Variants in CTNND2 observed in about 807,000 individuals in gnomAD.
CTNND2 encodes the protein catenin delta-2.
A neutral mutation model predicts 144.4 loss-of-function variants in CTNND2; 22 were observed. That is an observed-to-expected ratio of 0.15 (90% CI 0.11 to 0.22). The LOEUF is 0.22. CTNND2 is among the 10% of genes least tolerant of loss of function. CTNND2 has a pLI of 1.00. For missense variants in CTNND2, 1,353 were observed against 1,618.8 expected (o/e 0.84, Z 2.82); for synonymous variants, 751 against 695.6 (o/e 1.08, Z -1.25).
At chr5:11,518,801 T>C (rs145230748) in intron 3 of CTNND2, among the ~76,000 whole-genome samples, 2,782 of 152,260 alleles carry the variant, frequency 0.018, 49 homozygotes, top group Non-Finnish European at 0.03. Context: ...TGGTGTGTAG[T>C]TGGCTAGACC....
intron 16 of CTNND2, among the ~76,000 whole-genome samples, chr5:11,045,883 C>A (rs1040908334): frequency 1.3e-5 from 2 of 152,168 alleles, no homozygotes; most frequent in Admixed American, 1.3e-4. Context: ...ATGTTCCCTT[C>A]CCTTCTCTGT....
chr5:11,566,836 G>A (rs746953354), intron 2 of CTNND2, among the ~76,000 whole-genome samples: 1 of 152,162 alleles, frequency 6.6e-6, no homozygotes. Context: ...TGACTTTCTC[G>A]TTTGCAAGCT....
intron 2 of CTNND2, among the ~76,000 whole-genome samples, chr5:11,576,814 A>C (rs1296057901): frequency 1.3e-5 from 2 of 152,176 alleles, no homozygotes; most frequent in African/African-American, 4.8e-5. Context: ...AGAGTGCAGT[A>C]GCTCTTTGAG....
chr5:11,372,515 T>C (rs985611405), intron 7 of CTNND2, among the ~76,000 whole-genome samples: 1 of 152,146 alleles, frequency 6.6e-6, no homozygotes, highest in Non-Finnish European at 1.5e-5. Context: ...CCACCCCTCA[T>C]GCACGGCTTC....
At chr5:11,696,770 A>T (rs1456988647) in intron 2 of CTNND2, among the ~76,000 whole-genome samples, 2 of 152,188 alleles carry the variant, frequency 1.3e-5, no homozygotes, top group Non-Finnish European at 2.9e-5. Context: ...GTCATATATC[A>T]ACAGGTATGA....
At chr5:11,091,874 C>T (rs574070278) in intron 15 of CTNND2, among the ~76,000 whole-genome samples, 34 of 152,328 alleles carry the variant, frequency 2.2e-4, no homozygotes, top group Admixed American at 2.1e-3. Context: ...GCCTCAGACA[C>T]ATGTGCTGAG....
rs773455686 is a variant in CTNND2, at chr5:10,988,222, G to A, written c.3232C>T (p.Arg1078Trp). 1.1e-5 allele frequency: 17 copies of A among 1,614,058 alleles called. No individual in the cohort carries two copies. The highest frequency in any genetic ancestry group is 9.3e-6 in the Non-Finnish European group (11 of 1,180,026). Residue 1078 changes from arginine (R) to tryptophan (W), a missense_variant, in exon 20 of 22, where the codon CGG becomes TGG. Around this residue, in one of 4 missense-constraint regions of CTNND2, gnomAD observed 459 missense variants for 674.3 expected, o/e 0.68. Transcript: ENST00000304623. The surrounding 1 kb of genome is among the most constrained non-coding windows in gnomAD (Gnocchi z 5.9). ...NRSASAPASP[R>W]EMISLKERKT... ...CTTTCTTTGAGGCTGATCATTTCCC[G>A]AGGTGAAGCTGGGGCACTTGCTACA...
chr5:11,316,504 A>ATTC (rs1431472126), intron 9 of CTNND2, among the ~76,000 whole-genome samples: 2 of 140,746 alleles, frequency 1.4e-5, no homozygotes, highest in Non-Finnish European at 3.0e-5. Context: ...TATTATTATT[A>ATTC]TTATACTTTA....
chr5:11,889,136 T>C (rs911217481), intron 1 of CTNND2, among the ~76,000 whole-genome samples: 14 of 152,182 alleles, frequency 9.2e-5, no homozygotes, highest in Non-Finnish European at 2.9e-5. Context: ...TCCTTCTTTC[T>C]GTAAGACTCA....
intron 1 of CTNND2, among the ~76,000 whole-genome samples, chr5:11,832,810 G>A (rs1466788554): frequency 6.6e-6 from 1 of 152,082 alleles, no homozygotes; most frequent in Non-Finnish European, 1.5e-5. Context: ...TCATGGTGGT[G>A]TATGCCTGTA....
Position 11,098,569 on chromosome 5 carries a change from C to T in CTNND2, c.2637+6G>A. 6.2e-7 allele frequency: 1 copy of T among 1,612,530 alleles called. No homozygotes were observed. The highest frequency in any genetic ancestry group is 8.5e-7 in the Non-Finnish European group (1 of 1,179,358). ...ATTTCTTTTTATTGTAATGAACTGG[C>T]CATACCTTCCAGCTCCCTGCAGCCA... On this transcript the variant is annotated splice_donor_region_variant and intron_variant, in intron 15 of 21. Transcript: ENST00000304623.
intron 7 of CTNND2, among the ~76,000 whole-genome samples, chr5:11,374,914 AT>A (rs1242312102): frequency 6.7e-6 from 1 of 150,146 alleles, no homozygotes; most frequent in Non-Finnish European, 1.5e-5. Context: ...CTAAGTATTC[AT>A]TTTTGATTAT....
chr5:11,520,313 T>A (rs892613908), intron 3 of CTNND2, among the ~76,000 whole-genome samples: 1 of 152,148 alleles, frequency 6.6e-6, no homozygotes, highest in Admixed American at 6.5e-5. Context: ...CAAGTTATTA[T>A]CACAGCCCTG....
chr5:11,868,316 G>A (rs1795873039), intron 1 of CTNND2, among the ~76,000 whole-genome samples: 1 of 152,110 alleles, frequency 6.6e-6, no homozygotes, highest in Admixed American at 6.5e-5. Context: ...GCAGTCTGAT[G>A]TGGGAAACAC....
chr5:11,288,220 C>T (rs1228981375), intron 9 of CTNND2, among the ~76,000 whole-genome samples: 1 of 152,098 alleles, frequency 6.6e-6, no homozygotes, highest in East Asian at 1.9e-4. Flanking sequence ...ATTAGGATTC[C>T]AAAAGTAACA....
intron 21 of CTNND2, among the ~76,000 whole-genome samples, chr5:10,980,186 G>A (rs559599512): frequency 6.6e-6 from 1 of 151,140 alleles, no homozygotes; most frequent in Non-Finnish European, 1.5e-5. Context: ...AATCTATAAA[G>A]AACTTAAACA....
chr5:11,463,693 A>C (rs993828994), intron 3 of CTNND2, among the ~76,000 whole-genome samples: 1 of 152,046 alleles, frequency 6.6e-6, no homozygotes, highest in Non-Finnish European at 1.5e-5. Context: ...TTAAAAAAAA[A>C]AAAACTTTAA....
intron 3 of CTNND2, among the ~76,000 whole-genome samples, chr5:11,553,097 T>C (rs1775909090): frequency 6.6e-6 from 1 of 152,226 alleles, no homozygotes; most frequent in African/African-American, 2.4e-5. Flanking sequence ...AAAGAGTCAC[T>C]GACTTCTATA....
chr5:11,706,777 C>A (rs1193689779), intron 2 of CTNND2, among the ~76,000 whole-genome samples: 1 of 151,814 alleles, frequency 6.6e-6, no homozygotes, highest in Non-Finnish European at 1.5e-5. Context: ...ACTTTCCTAC[C>A]AGGGAAGCTA....
Sources: gnomAD v4.1 joint callset for allele counts (sites outside exome capture counted in the v4.1 genomes callset) on GRCh38, gnomAD v4.1.1 for gene constraint, gnomAD v4.1.1 regional missense constraint, Gnocchi (gnomAD v3.1) non-coding constraint, MANE v1.5 for transcripts, NCBI Gene and HGNC (gene_info 2026-07-23, HGNC 2026-07-21) for gene names.